The following MYOF variants were observed in gnomAD, a reference collection of about 807,000 sequenced individuals.
MYOF encodes fer-1-like 3, myoferlin.
In MYOF, 244 loss-of-function variants were observed where a neutral mutation model predicts 284.2. The ratio of observed to expected loss-of-function variants is 0.86; its 90% CI spans 0.77 to 0.95. The LOEUF is 0.95. Ranked by LOEUF, MYOF falls within the 40% of genes least tolerant of loss-of-function variation. The probability of loss-of-function intolerance (pLI) is 0.00; values close to 1 mark genes in which losing one functional copy is unlikely to be tolerated. For missense variants in MYOF, 2,496 were observed against 2,560.6 expected, an observed-to-expected ratio of 0.97 and a Z score of 0.54; for synonymous variants, 904 against 919.7, an observed-to-expected ratio of 0.98 and a Z score of 0.31.
intron 50 of MYOF, among the ~76,000 whole-genome samples, chr10:93,315,021 A>G (rs762372893): frequency 6.6e-6 from 1 of 152,216 alleles, no homozygotes. Flanking sequence ...ACTGCACTCC[A>G]GCCTGGGTGA....
At chr10:93,391,338 C>A (rs933908024) in intron 17 of MYOF, among the ~76,000 whole-genome samples, 1 of 151,808 alleles carries the variant, frequency 6.6e-6, no homozygotes. Flanking sequence ...CGCCTGTAAT[C>A]CCAGTACTTT....
chr10:93,433,188 G>A (rs952174025), intron 3 of MYOF, among the ~76,000 whole-genome samples: 5 of 152,054 alleles, frequency 3.3e-5, no homozygotes, highest in South Asian at 2.1e-4. Context: ...ATGGAGTTTC[G>A]TTCTTATTGA....
In MYOF at chr10:93,327,676, A is replaced by T. The variant is rs562364945; in HGVS notation, c.5131+1087T>A. Among the ~76,000 whole-genome samples, 4 of 152,232 alleles carry T rather than the reference A, an allele frequency of 2.6e-5. No homozygotes were observed. The South Asian group carries it at 8.3e-4, about 32-fold the overall frequency. The stretch of plus-strand genomic sequence containing the variant: ...AATCCTGTTTGCAAGTTCACGTTAG[A>T]AGCAGCATCAACATTTCTTAAACAT... On this transcript the variant is annotated intron_variant, in intron 45 of 53. Coordinates refer to ENST00000359263, the MANE Select transcript of MYOF (RefSeq NM_013451.4).
At chr10:93,471,282 CA>C in intron 1 of MYOF, among the ~76,000 whole-genome samples, 1 of 151,238 alleles carries the variant, frequency 6.6e-6, no homozygotes, top group East Asian at 1.9e-4. Context: ...TGCTCTGTTG[CA>C]AACTCACCCC....
intron 2 of MYOF, among the ~76,000 whole-genome samples, chr10:93,454,054 T>C (rs1020139270): frequency 4.6e-5 from 7 of 152,100 alleles, no homozygotes; most frequent in Admixed American, 3.3e-4. Context: ...TAGTGGCATA[T>C]GCCTGTAATC....
chr10:93,432,532 C>G (rs1848923753), intron 3 of MYOF, among the ~76,000 whole-genome samples: 1 of 152,132 alleles, frequency 6.6e-6, no homozygotes, highest in South Asian at 2.1e-4. Flanking sequence ...ACCCATAAAT[C>G]TTTGCCCACT....
chr10:93,432,486 G>C (rs993466695), intron 3 of MYOF, among the ~76,000 whole-genome samples: 3 of 152,176 alleles, frequency 2.0e-5, no homozygotes, highest in Non-Finnish European at 4.4e-5. Flanking sequence ...TTCAGTAAGA[G>C]AGGAAGGCAT....
intron 50 of MYOF, among the ~76,000 whole-genome samples, chr10:93,315,675 C>T (rs1422187195): frequency 6.6e-6 from 1 of 152,050 alleles, no homozygotes; most frequent in Non-Finnish European, 1.5e-5. Flanking sequence ...ACTATGAGAG[C>T]GCAGGCTACA....
At chr10:93,448,214 C>T (rs578234218) in intron 3 of MYOF, among the ~76,000 whole-genome samples, 1 of 151,600 alleles carries the variant, frequency 6.6e-6, no homozygotes, top group African/African-American at 2.4e-5. Context: ...ACTCCCTAAC[C>T]CCCCAATGAA....
chr10:93,387,226 G>C (rs1314165493), intron 19 of MYOF, among the ~76,000 whole-genome samples: 2 of 152,236 alleles, frequency 1.3e-5, no homozygotes, highest in African/African-American at 2.4e-5. Flanking sequence ...GGGGCAGCTG[G>C]GGGGCTGGCG....
At chr10:93,381,438 T>G (rs963051808) in intron 19 of MYOF, 42 bp from the exon 20 acceptor site, 1 of 1,593,408 alleles carries the variant, frequency 6.3e-7, no homozygotes, top group Non-Finnish European at 8.6e-7. Flanking sequence ...GAAAGGCCAT[T>G]TGTTCTTATT....
intron 53 of MYOF, among the ~76,000 whole-genome samples, chr10:93,308,680 A>G (rs1202040015): frequency 6.6e-6 from 1 of 152,018 alleles, no homozygotes; most frequent in African/African-American, 2.4e-5. Context: ...CTGGGGAAAA[A>G]TGAAGACACA....
chr10:93,371,380 G>A (rs1046786977), intron 24 of MYOF, among the ~76,000 whole-genome samples: 5 of 152,116 alleles, frequency 3.3e-5, no homozygotes, highest in African/African-American at 9.6e-5. Flanking sequence ...TCTATGTGAC[G>A]CCAGATCCTT....
In MYOF at chr10:93,389,156, TGA is replaced by T. The variant is rs1846550290; in HGVS notation, c.1457-4_1457-3del. 4.3e-6 allele frequency: 7 copies of T among 1,612,584 alleles called. No individual in the cohort carries two copies. The highest frequency in any genetic ancestry group is 5.9e-6 in the Non-Finnish European group (7 of 1,179,542). ...CTACCTCTGTTTCTCCTGTGTTTAC[TGA>T]GAGAGAAACATCATCATGAGGTGTT... On this transcript the variant is annotated splice_polypyrimidine_tract_variant and splice_region_variant and intron_variant, in intron 17 of 53. Coordinates refer to ENST00000359263, the MANE Select transcript of MYOF (RefSeq NM_013451.4).
At position 93,364,494 on chromosome 10, in the gene MYOF, T is replaced by C. The variant is rs1845233509; in HGVS notation, c.2754-419A>G. On this transcript the variant is annotated intron_variant, in intron 26 of 53. Transcript: ENST00000359263. Reference sequence around the variant, plus strand: ...AAAGGGAGCTGTCCCCACTATTTTTTAAAACAGAGTGTAGACGGTCTCATG... The same window carrying C: ...AAAGGGAGCTGTCCCCACTATTTTTCAAAACAGAGTGTAGACGGTCTCATG... Among the ~76,000 whole-genome samples the C allele has an allele frequency of 2.0e-5, 3 of 152,200 alleles. No homozygotes were observed. The South Asian group carries it at 6.2e-4, about 32-fold the overall frequency.
chr10:93,344,285 C>T (rs1844067803), intron 37 of MYOF, among the ~76,000 whole-genome samples: 1 of 152,096 alleles, frequency 6.6e-6, no homozygotes, highest in Non-Finnish European at 1.5e-5. Flanking sequence ...ATTTCAATAG[C>T]TTTTGGGGTA....
At chr10:93,457,849 C>T (rs563779436) in intron 1 of MYOF, among the ~76,000 whole-genome samples, 2 of 151,360 alleles carry the variant, frequency 1.3e-5, no homozygotes, top group South Asian at 2.1e-4. Context: ...CCTCCCACCT[C>T]GGCGCCCCAT....
intron 5 of MYOF, among the ~76,000 whole-genome samples, chr10:93,421,034 A>G (rs1160456002): frequency 6.6e-6 from 1 of 152,166 alleles, no homozygotes; most frequent in African/African-American, 2.4e-5. Flanking sequence ...CCTGGGCAAC[A>G]TGGCAAAACC....
In MYOF at chr10:93,456,849, A is replaced by G. The variant is rs1286537515; in HGVS notation, c.144+33T>C. The G allele has an allele frequency of 2.0e-6, 3 of 1,515,118 alleles. No individual in the cohort carries two copies. In the African/African-American group the frequency reaches 4.1e-5, roughly 21 times the overall value. The allele number at this position is 1,515,118 out of a possible 1,614,324, so 93.9% of individuals were successfully genotyped here. A position where few individuals can be genotyped will look rare whatever the true frequency, so the allele number is the denominator to read the frequency against. On this transcript the variant is annotated intron_variant, in intron 2 of 53. Transcript: ENST00000359263. ...TAGGACAATCAGAAATAGCTTATCT[A>G]TTAAAACAAAGTTGAAAAAACAATG...
Sources: allele counts gnomAD v4.1 joint callset (sites outside exome capture counted in the v4.1 genomes callset), GRCh38; gene constraint gnomAD v4.1.1; transcripts MANE v1.5; gene names NCBI Gene and HGNC (gene_info 2026-07-23, HGNC 2026-07-21).